The following MATN2 variants were observed in gnomAD, a reference collection of about 807,000 sequenced individuals.
MATN2 encodes the protein matrilin-2.
A neutral mutation model predicts 103.2 loss-of-function variants in MATN2; 69 were observed. The ratio of observed to expected loss-of-function variants is 0.67; its 90% CI spans 0.55 to 0.82. The LOEUF (loss-of-function observed/expected upper bound fraction) is 0.82. Ranked by LOEUF, MATN2 falls within the 40% of genes least tolerant of loss-of-function variation. The pLI, the probability that MATN2 is intolerant of heterozygous loss-of-function variation, is 0.00. For synonymous variants in MATN2, 429 were observed against 450.2 expected (o/e 0.95, Z 0.60); for missense variants, 1,023 against 1,211.5 (o/e 0.84, Z 2.31).
intron 2 of MATN2, among the ~76,000 whole-genome samples, chr8:97,918,797 A>G (rs953374964): frequency 2.6e-5 from 4 of 152,158 alleles, no homozygotes; most frequent in Non-Finnish European, 5.9e-5. Context: ...AAATGCAGGT[A>G]TGAGAGTCAG....
At chr8:97,992,099 G>A (rs1053075025) in intron 6 of MATN2, among the ~76,000 whole-genome samples, 8 of 152,150 alleles carry the variant, frequency 5.3e-5, no homozygotes, top group Non-Finnish European at 1.2e-4. Context: ...GTAAACTTAT[G>A]AAATTTATAA....
chr8:97,883,860 T>G (rs57438375), intron 1 of MATN2, among the ~76,000 whole-genome samples: 10,593 of 152,124 alleles, frequency 0.07, 1,089 homozygotes, highest in African/African-American at 0.22. Flanking sequence ...GGCCTAATTT[T>G]TGTATTTTTT....
At chr8:98,017,869 T>C (rs1371576219) in intron 11 of MATN2, 125 bp from the exon 12 acceptor site, 2 of 1,026,590 alleles carry the variant, frequency 1.9e-6, no homozygotes, top group South Asian at 1.3e-5. Flanking sequence ...TCCTGCCCCA[T>C]GGACCACTGA....
intron 16 of MATN2, 31 bp from the exon 17 acceptor site, chr8:98,033,011 G>A: frequency 6.3e-7 from 1 of 1,592,122 alleles, no homozygotes; most frequent in Non-Finnish European, 8.5e-7. Context: ...GCGTTAAGCA[G>A]GTTTGATTGC....
intron 2 of MATN2, among the ~76,000 whole-genome samples, chr8:97,901,815 G>T (rs1020274093): frequency 6.6e-6 from 1 of 152,056 alleles, no homozygotes; most frequent in Non-Finnish European, 1.5e-5. Flanking sequence ...AAACCATCTG[G>T]GCTTGATGCC....
At chr8:97,977,142 A>G (rs1178837167) in intron 5 of MATN2, among the ~76,000 whole-genome samples, 1 of 142,976 alleles carries the variant, frequency 7.0e-6, no homozygotes, top group Non-Finnish European at 1.5e-5. Context: ...TGGCTGAGGC[A>G]GGAGGATCAC....
intron 2 of MATN2, among the ~76,000 whole-genome samples, chr8:97,924,693 C>G (rs1265020171): frequency 1.2e-5 from 1 of 81,256 alleles, no homozygotes; most frequent in Non-Finnish European, 2.8e-5. Context: ...TCCAGGCAGG[C>G]AAGCATCTGT....
At chr8:98,002,588 G>A (rs1812824715) in intron 7 of MATN2, among the ~76,000 whole-genome samples, 1 of 152,138 alleles carries the variant, frequency 6.6e-6, no homozygotes, top group East Asian at 1.9e-4. Flanking sequence ...AGGTAGGCTG[G>A]GGAGCGTGGC....
intron 2 of MATN2, among the ~76,000 whole-genome samples, chr8:97,910,432 T>G (rs1016089146): frequency 1.3e-5 from 2 of 152,122 alleles, no homozygotes; most frequent in Non-Finnish European, 2.9e-5. Context: ...AAGCAGTGCT[T>G]AGGAGGCTAA....
At chr8:97,881,585 G>A (rs1818253963) in intron 1 of MATN2, among the ~76,000 whole-genome samples, 1 of 152,190 alleles carries the variant, frequency 6.6e-6, no homozygotes, top group South Asian at 2.1e-4. Flanking sequence ...GTTCCCAAAT[G>A]CTTCATGGAA....
At chr8:97,932,394 G>C (rs950653049) in intron 3 of MATN2, among the ~76,000 whole-genome samples, 2 of 152,114 alleles carry the variant, frequency 1.3e-5, no homozygotes, top group African/African-American at 4.8e-5. Context: ...GAGGACCAAG[G>C]TGTGGTCCTG....
chr8:98,007,732 A>C lies in MATN2; in HGVS notation c.1573+131A>C. On this transcript the variant is annotated intron_variant, in intron 10 of 18. Transcript: ENST00000254898. This position sits in a 1 kb window ranked among gnomAD's most constrained non-coding sequence, Gnocchi z 4.2. Reference sequence around the variant, plus strand: ...TGCTGGGCCTGCATGAATGTGTGTGACAGCATCTCTTAGCCATTAAGCCTT... The same window carrying C: ...TGCTGGGCCTGCATGAATGTGTGTGCCAGCATCTCTTAGCCATTAAGCCTT... 2.7e-6 allele frequency: 3 copies of C among 1,114,244 alleles called. No homozygotes were observed. The highest frequency in any genetic ancestry group is 1.7e-5 in the South Asian group (1 of 60,568). The allele number at this position is 1,114,244 out of a possible 1,614,324, so 69.0% of individuals were successfully genotyped here.
Position 97,893,785 on chromosome 8 carries a change from C to T in MATN2, c.142+5543C>T, listed in dbSNP as rs551339580. ...AGAGACAGGGTTTCACCATGTTGGC[C>T]GCCTGCCTCGGCCTCCCAAAGTGCT... On this transcript the variant is annotated intron_variant, in intron 2 of 18. Transcript: ENST00000254898. Among the ~76,000 whole-genome samples the T allele has an allele frequency of 1.7e-3, 260 of 152,202 alleles. 1 individual carries two copies. The highest frequency in any genetic ancestry group is 5.6e-3 in the African/African-American group (233 of 41,528).
At position 97,931,515 on chromosome 8, in the gene MATN2, G is replaced by T. The variant is rs750182078; in HGVS notation, c.705G>T (p.Lys235Asn). 1 of 1,604,702 alleles carries T rather than the reference G, an allele frequency of 6.2e-7. No homozygotes were observed. The highest frequency in any genetic ancestry group is 1.1e-5 in the South Asian group (1 of 89,514). Residue 235 changes from lysine (K) to asparagine (N), a missense_variant, in exon 3 of 19, where the codon AAG (lysine) becomes AAT (asparagine). Lys to Asn is a moderately conservative substitution (Grantham distance 94). Transcript: ENST00000254898. The surrounding 1 kb of genome is among the most constrained non-coding windows in gnomAD (Gnocchi z 4.1). ...CGCTGACCTCCGTGTTCCAGAAGAAGTTGTGCAGTAAGTCCTGCTCCTTTG... is the reference window on the plus strand; with the variant it reads ...CGCTGACCTCCGTGTTCCAGAAGAATTTGTGCAGTAAGTCCTGCTCCTTTG... ...IETLTSVFQK[K>N]LCTAHMCSTL...
intron 3 of MATN2, 131 bp from the exon 4 acceptor site, chr8:97,941,646 G>T (rs1810571873): frequency 7.2e-6 from 7 of 966,908 alleles, no homozygotes; most frequent in East Asian, 2.9e-5. Flanking sequence ...CCCCTTGAGG[G>T]TAGGGACTGC....
chr8:97,994,407 T>C (rs1812498852), intron 6 of MATN2, 73 bp from the exon 7 acceptor site: 2 of 1,511,714 alleles, frequency 1.3e-6, no homozygotes, highest in Non-Finnish European at 1.8e-6. Context: ...AAATGAAGAC[T>C]GGAAATCCCT....
At chr8:97,877,195 G>T (rs1166565287) in intron 1 of MATN2, among the ~76,000 whole-genome samples, 1 of 151,206 alleles carries the variant, frequency 6.6e-6, no homozygotes, top group African/African-American at 2.4e-5. Flanking sequence ...TTTTTTGGGG[G>T]GGCCAGGCAC....
At position 97,961,475 on chromosome 8, in the gene MATN2, C is replaced by T. The variant is rs374362031; in HGVS notation, c.903C>T (p.Phe301=). 5.6e-4 allele frequency: 903 copies of T among 1,613,784 alleles called. 18 individuals are homozygous for T. In the South Asian group the frequency reaches 8.5e-3, roughly 15 times the overall value. ...EQLCVNVPGS[F]VCQCYSGYAL... is the part of the protein sequence containing the mutation. ...TCTGTGTGAATGTGCCGGGCTCCTT[C>T]GTCTGCCAGTGCTACAGTGGCTACG... The change falls in exon 5 of 19, where the codon TTC becomes TTT. Residue 301 remains phenylalanine (F), a synonymous_variant. Coordinates refer to ENST00000254898, the MANE Select transcript of MATN2 (RefSeq NM_002380.5).
At chr8:97,943,038 C>T (rs1048931716) in intron 4 of MATN2, among the ~76,000 whole-genome samples, 3 of 152,088 alleles carry the variant, frequency 2.0e-5, no homozygotes, top group Non-Finnish European at 4.4e-5. Context: ...CCCAGGATCC[C>T]AAGTTGAGTG....
Sources: allele counts gnomAD v4.1 joint callset (sites outside exome capture counted in the v4.1 genomes callset), GRCh38; gene constraint gnomAD v4.1.1; non-coding constraint Gnocchi (gnomAD v3.1); transcripts MANE v1.5; gene names NCBI Gene and HGNC (gene_info 2026-07-23, HGNC 2026-07-21).